The following ANLN variants were observed in gnomAD, a reference collection of about 807,000 sequenced individuals.
The protein encoded by ANLN is anillin.
A neutral mutation model predicts 135.1 loss-of-function variants in ANLN; 59 were observed. The ratio of observed to expected loss-of-function variants is 0.44; its 90% CI spans 0.35 to 0.54. The LOEUF (loss-of-function observed/expected upper bound fraction) is 0.54, where lower values mean the gene tolerates loss of function less well. Among genes scored for constraint, ANLN ranks in the 20% least tolerant of loss-of-function variants. The pLI is 0.00. For missense variants in ANLN, 1,182 were observed against 1,340.0 expected (o/e 0.88, Z 1.84); for synonymous variants, 406 against 456.4 (o/e 0.89, Z 1.41).
In ANLN at chr7:36,392,963, G is replaced by A. The variant is rs181809672; in HGVS notation, c.18+2919G>A. ...CTAGTGTTGTATCTGGGAAGTGAGA[G>A]ATATAGCAATTGAAAAATTACAAAT... On this transcript the variant is annotated intron_variant, in intron 1 of 23. Transcript: ENST00000265748. 2.5e-3 allele frequency among the ~76,000 whole-genome samples: 378 copies of A among 152,180 alleles called. 2 individuals carry two copies. The highest frequency in any genetic ancestry group is 8.7e-3 in the African/African-American group (360 of 41,528).
intron 15 of ANLN, among the ~76,000 whole-genome samples, 182 bp from the exon 16 acceptor site, chr7:36,424,363 C>T (rs1787996248): frequency 6.6e-6 from 1 of 151,858 alleles, no homozygotes; most frequent in Admixed American, 6.6e-5. Context: ...TTGTAAAACA[C>T]GGAGGAAAAT....
Position 36,448,666 on chromosome 7 carries a change from A to G in ANLN, c.3079-999A>G, listed in dbSNP as rs560719153. Among the ~76,000 whole-genome samples, 28 of 152,330 alleles carry G rather than the reference A, an allele frequency of 1.8e-4. 1 individual carries two copies. The highest frequency in any genetic ancestry group is 1.2e-3 in the Admixed American group (19 of 15,302). ...TTATCTAGCATTTGGCGGCTTATAT[A>G]ATGGGAGGATTTTCAGACTATTTAA... On this transcript the variant is annotated intron_variant, in intron 22 of 23. Transcript: ENST00000265748.
chr7:36,405,614 C>A (rs1368538073), intron 3 of ANLN, among the ~76,000 whole-genome samples: 2 of 152,324 alleles, frequency 1.3e-5, no homozygotes, highest in East Asian at 3.9e-4. Flanking sequence ...AATGAAGTAA[C>A]TATGCAGAAA....
rs1787376176 is a variant in ANLN at position 36,410,686 on chromosome 7, A to G, written c.1269A>G (p.Leu423=). The change falls in exon 6 of 24, where the codon TTA becomes TTG. Residue 423 remains leucine, a synonymous_variant. Transcript: ENST00000265748. The part of the protein sequence containing the change: ...KQDTSSSTTH[L]AQQLKQERQK... Reference sequence around the variant, plus strand: ...ACACATCTTCATCTACTACCCATTTAGCACAACAGCTCAAGCAGGTATGGT... The same window carrying G: ...ACACATCTTCATCTACTACCCATTTGGCACAACAGCTCAAGCAGGTATGGT... 2 of 1,613,854 alleles carry G rather than the reference A, an allele frequency of 1.2e-6. No individual in the cohort carries two copies. Among genetic ancestry groups the G allele is most frequent in the Non-Finnish European group, 8.5e-7 (1 of 1,179,934 alleles).
chr7:36,395,902 A>T (rs1786674901), intron 1 of ANLN, among the ~76,000 whole-genome samples: 1 of 152,132 alleles, frequency 6.6e-6, no homozygotes. Flanking sequence ...AAATCTCTTG[A>T]TGCCTAAAAG....
At chr7:36,418,548 G>A (rs562284652) in intron 9 of ANLN, among the ~76,000 whole-genome samples, 6 of 152,284 alleles carry the variant, frequency 3.9e-5, no homozygotes, top group African/African-American at 1.4e-4. Context: ...CCTGCCCTAA[G>A]TGACATTAAT....
chr7:36,450,373 A>G (rs1583667086), intron 23 of ANLN, among the ~76,000 whole-genome samples: 1 of 152,190 alleles, frequency 6.6e-6, no homozygotes, highest in South Asian at 2.1e-4. Flanking sequence ...CTTTGCTTGG[A>G]TGCCTAAGAG....
At chr7:36,427,275 C>G (rs972175699) in intron 20 of ANLN, among the ~76,000 whole-genome samples, 1 of 149,076 alleles carries the variant, frequency 6.7e-6, no homozygotes, top group African/African-American at 2.5e-5. Context: ...AGTATCACTT[C>G]TGACTAAAGA....
At chr7:36,416,934 G>T in intron 8 of ANLN, 146 bp from the exon 9 acceptor site, 1 of 509,102 alleles carries the variant, frequency 2.0e-6, no homozygotes, top group Non-Finnish European at 3.5e-6. Context: ...TTCAGGGAGG[G>T]GTGTTTCTAT....
intron 22 of ANLN, among the ~76,000 whole-genome samples, chr7:36,445,206 G>A (rs567371346): frequency 2.8e-3 from 78 of 27,668 alleles, no homozygotes; most frequent in African/African-American, 9.9e-3. Flanking sequence ...TGGAATATTT[G>A]CATTATACGT....
chr7:36,390,175 G>C, intron 1 of ANLN, 131 bp downstream of exon 1: 1 of 1,513,204 alleles, frequency 6.6e-7, no homozygotes, highest in Non-Finnish European at 9.0e-7. Context: ...CAGTGTGTGC[G>C]GGCCGGGGTC....
At chr7:36,420,545 A>G in intron 11 of ANLN, 52 bp from the exon 12 acceptor site, 1 of 1,467,926 alleles carries the variant, frequency 6.8e-7, no homozygotes, top group East Asian at 2.3e-5. Context: ...AATAAAGGAT[A>G]GTGCTCAGTG....
rs1314053419 is a variant in ANLN, at chr7:36,449,777, A to C, written c.3191A>C (p.Gln1064Pro). ...NTFELITVRPQREDDRETLVS... is the reference protein window; with the variant it reads ...NTFELITVRPPREDDRETLVS... ...TTTGAATTAATTACTGTCCGACCAC[A>C]AAGAGAAGATGACCGAGAGACTCTT... is the stretch of plus-strand genomic sequence containing the variant. The change falls in exon 23 of 24, where the codon CAA (glutamine) becomes CCA (proline). Residue 1064 changes from glutamine to proline, a missense_variant. Around this residue, in one of 3 missense-constraint regions of ANLN, gnomAD observed 78 missense variants for 72.7 expected, o/e 1.07. Coordinates refer to ENST00000265748, the MANE Select transcript of ANLN (RefSeq NM_018685.5). The C allele has an allele frequency of 9.3e-6, 15 of 1,614,020 alleles. No individual in the cohort carries two copies.
In ANLN at chr7:36,424,732, C is replaced by A. The variant is rs1456576632; in HGVS notation, c.2699C>A (p.Ser900Tyr). 3.7e-6 allele frequency: 6 copies of A among 1,611,574 alleles called. No individual in the cohort carries two copies. Among genetic ancestry groups the A allele is most frequent in the East Asian group, 2.2e-5 (1 of 44,726 alleles). Residue 900 changes from serine (S) to tyrosine (Y), a missense_variant, in exon 17 of 24, where the codon TCC (serine) becomes TAC (tyrosine). Ser to Tyr is a moderately radical substitution (Grantham distance 144). This residue lies in a region of ANLN where 1,022 missense variants were observed against 1,134.0 expected (regional missense o/e 0.90). Coordinates refer to ENST00000265748, the MANE Select transcript of ANLN (RefSeq NM_018685.5). ...PSGLDKKKKTSKSKAITPKRL... is the reference protein window; with the variant it reads ...PSGLDKKKKTYKSKAITPKRL... ...GGCCTTGATAAGAAGAAAAAAACAT[C>A]CAAGTCCAAGGTGAGAATTAAAGAA...
At chr7:36,442,216 T>A (rs967243012) in intron 21 of ANLN, among the ~76,000 whole-genome samples, 1 of 152,264 alleles carries the variant, frequency 6.6e-6, no homozygotes, top group Admixed American at 6.5e-5. Flanking sequence ...TTTAAAGATA[T>A]GCTTAGAATG....
At chr7:36,447,415 ATCT>A (rs1789050497) in intron 22 of ANLN, among the ~76,000 whole-genome samples, 1 of 121,286 alleles carries the variant, frequency 8.2e-6, no homozygotes, top group Non-Finnish European at 1.7e-5. Flanking sequence ...ACAGCAGTTG[ATCT>A]TTTTTTTTTT....
At chr7:36,402,379 C>T (rs1193221236) in intron 3 of ANLN, among the ~76,000 whole-genome samples, 2 of 151,984 alleles carry the variant, frequency 1.3e-5, no homozygotes, top group African/African-American at 2.4e-5. Context: ...TCCCAAAATA[C>T]TGGGATTACA....
chr7:36,404,384 G>A (rs923275141), intron 3 of ANLN, among the ~76,000 whole-genome samples: 1 of 152,102 alleles, frequency 6.6e-6, no homozygotes, highest in African/African-American at 2.4e-5. Context: ...AGACAGTACC[G>A]AACCCAATTG....
At chr7:36,398,529 T>G (rs888691361) in intron 2 of ANLN, among the ~76,000 whole-genome samples, 6 of 152,240 alleles carry the variant, frequency 3.9e-5, no homozygotes, top group African/African-American at 1.4e-4. Flanking sequence ...GCTTTCTTAT[T>G]CTGTGTGTAT....
Sources: gnomAD v4.1 joint callset for allele counts (sites outside exome capture counted in the v4.1 genomes callset) on GRCh38, gnomAD v4.1.1 for gene constraint, gnomAD v4.1.1 regional missense constraint, MANE v1.5 for transcripts, NCBI Gene and HGNC (gene_info 2026-07-23, HGNC 2026-07-21) for gene names.